Variants in HMBOX1 observed in about 807,000 individuals in gnomAD.
HMBOX1 encodes the protein homeobox containing 1.
A neutral mutation model predicts 54.5 loss-of-function variants in HMBOX1; 14 were observed. The observed-to-expected ratio is 0.26, with a 90% CI of 0.17 to 0.40. HMBOX1 has a LOEUF of 0.40. Among genes scored for constraint, HMBOX1 ranks in the 10% least tolerant of loss-of-function variants. The pLI is 1.00. For missense variants in HMBOX1, 332 were observed against 514.4 expected (o/e 0.65, Z 3.43); for synonymous variants, 160 against 181.0 (o/e 0.88, Z 0.93).
chr8:28,921,497 TAAGTAA>T, intron 1 of HMBOX1, among the ~76,000 whole-genome samples: 1 of 152,204 alleles, frequency 6.6e-6, no homozygotes, highest in East Asian at 1.9e-4. Flanking sequence ...TCTCTACATG[TAAGTAA>T]AATAGGCAAG....
At position 28,942,868 on chromosome 8, in the gene HMBOX1, C is replaced by T. The variant is rs538403037; in HGVS notation, c.-57-20943C>T. Among the ~76,000 whole-genome samples, 58 of 152,262 alleles carry T rather than the reference C, an allele frequency of 3.8e-4. No individual in the cohort carries two copies. In the South Asian group the frequency reaches 0.01, roughly 27 times the overall value. ...TTATGAGTGTATCTGTAGCATAAATCTCTACTACTGGAATTGCTAGGTTAA... is the reference window on the plus strand; with the variant it reads ...TTATGAGTGTATCTGTAGCATAAATTTCTACTACTGGAATTGCTAGGTTAA... On this transcript the variant is annotated intron_variant, in intron 1 of 9. Transcript: ENST00000287701.
At chr8:28,966,474 AAATT>A (rs1200341099) in intron 2 of HMBOX1, among the ~76,000 whole-genome samples, 1 of 152,220 alleles carries the variant, frequency 6.6e-6, no homozygotes, top group Non-Finnish European at 1.5e-5. Flanking sequence ...GTGCATAAGA[AAATT>A]AATTCAATTC....
chr8:29,006,748 C>T (rs780833704), intron 4 of HMBOX1, among the ~76,000 whole-genome samples: 3 of 152,052 alleles, frequency 2.0e-5, no homozygotes, highest in Non-Finnish European at 2.9e-5. Context: ...ATACCAAAGC[C>T]AGAACCTGGA....
At chr8:29,028,474 T>G (rs1802413574) in intron 6 of HMBOX1, among the ~76,000 whole-genome samples, 1 of 152,230 alleles carries the variant, frequency 6.6e-6, no homozygotes, top group South Asian at 2.1e-4. Flanking sequence ...TCACTGCATT[T>G]TGGAATTCTT....
At chr8:28,930,654 G>C (rs1819330053) in intron 1 of HMBOX1, among the ~76,000 whole-genome samples, 1 of 152,040 alleles carries the variant, frequency 6.6e-6, no homozygotes, top group Admixed American at 6.5e-5. Context: ...CATACTTTGT[G>C]TTTTTTTCTT....
At chr8:28,890,706 T>C (rs1489991238) in intron 1 of HMBOX1, 28 bp downstream of exon 1, 1 of 152,742 alleles carries the variant, frequency 6.5e-6, no homozygotes, top group African/African-American at 2.4e-5. Context: ...GAAGCCGGAC[T>C]ACCTCAAGTC....
At chr8:28,988,567 T>G (rs183028712) in intron 4 of HMBOX1, among the ~76,000 whole-genome samples, 27 of 152,398 alleles carry the variant, frequency 1.8e-4, no homozygotes, top group East Asian at 1.7e-3. Flanking sequence ...GAGGTCTTAC[T>G]GCTCTGCATT....
chr8:28,930,817 C>T (rs1229660090), intron 1 of HMBOX1, among the ~76,000 whole-genome samples: 2 of 151,962 alleles, frequency 1.3e-5, no homozygotes, highest in Non-Finnish European at 2.9e-5. Flanking sequence ...TTTTTTATAC[C>T]ATGTGTTATT....
intron 6 of HMBOX1, among the ~76,000 whole-genome samples, chr8:29,027,218 A>T (rs1021649761): frequency 3.9e-5 from 6 of 152,218 alleles, no homozygotes; most frequent in Non-Finnish European, 8.8e-5. Context: ...AAATAATGTG[A>T]TTCTACAATG....
intron 6 of HMBOX1, among the ~76,000 whole-genome samples, chr8:29,021,170 A>T (rs1347402761): frequency 1.3e-5 from 2 of 152,310 alleles, no homozygotes; most frequent in South Asian, 4.1e-4. Flanking sequence ...GTAAGATCCT[A>T]TCTCAAAAAT....
chr8:28,947,574 G>C (rs563733852), intron 1 of HMBOX1, among the ~76,000 whole-genome samples: 52 of 152,138 alleles, frequency 3.4e-4, no homozygotes, highest in Non-Finnish European at 5.9e-4. Context: ...TGGATGCTGG[G>C]ACTGTCTAAA....
chr8:28,979,653 C>T (rs759895801), intron 3 of HMBOX1, among the ~76,000 whole-genome samples: 3 of 152,118 alleles, frequency 2.0e-5, no homozygotes, highest in Non-Finnish European at 4.4e-5. Context: ...AGTTAACATG[C>T]GAGCCCACAA....
chr8:28,931,279 C>A (rs1819428048), intron 1 of HMBOX1, among the ~76,000 whole-genome samples: 1 of 152,124 alleles, frequency 6.6e-6, no homozygotes, highest in Admixed American at 6.5e-5. Context: ...TTCAGTTCTT[C>A]TGTGAAGACA....
At position 28,936,797 on chromosome 8, in the gene HMBOX1, G is replaced by A. The variant is rs577095006; in HGVS notation, c.-57-27014G>A. Among the ~76,000 whole-genome samples, 156 of 135,488 alleles carry A rather than the reference G, an allele frequency of 1.2e-3. 1 individual carries two copies. Among genetic ancestry groups the A allele is most frequent in the African/African-American group, 4.3e-3 (149 of 34,766 alleles). The allele number at this position is 135,488 out of a possible 152,430, so 88.9% of individuals were successfully genotyped here. ...CCATCAAGGGCCACTGAACCAGAGGGTTAAAAAAAAAAAAAAAACAGCCCC... is the reference window on the plus strand; with the variant it reads ...CCATCAAGGGCCACTGAACCAGAGGATTAAAAAAAAAAAAAAAACAGCCCC... On this transcript the variant is annotated intron_variant, in intron 1 of 9. Transcript: ENST00000287701.
At chr8:29,045,571 G>A (rs926927371) in intron 7 of HMBOX1, 128 bp downstream of exon 7, 11 of 716,318 alleles carry the variant, frequency 1.5e-5, no homozygotes, top group East Asian at 7.7e-5. Context: ...CCATCCTTCC[G>A]CAGGTGGCCA....
chr8:28,929,035 A>G (rs1051551259), intron 1 of HMBOX1, among the ~76,000 whole-genome samples: 21 of 152,214 alleles, frequency 1.4e-4, no homozygotes, highest in Non-Finnish European at 8.8e-5. Flanking sequence ...TTGGTGATGG[A>G]TATGTTAATT....
intron 1 of HMBOX1, among the ~76,000 whole-genome samples, chr8:28,910,576 G>A (rs564006661): frequency 3.9e-4 from 60 of 152,158 alleles, no homozygotes; most frequent in African/African-American, 1.4e-3. Context: ...TTTTATTATA[G>A]CCATTCTAGT....
chr8:28,908,874 G>C (rs1165597686), intron 1 of HMBOX1, among the ~76,000 whole-genome samples: 4 of 152,148 alleles, frequency 2.6e-5, no homozygotes, highest in African/African-American at 9.7e-5. Flanking sequence ...CAGGAGGATT[G>C]CTTGAAGCCA....
chr8:28,944,521 A>G (rs1168038223), intron 1 of HMBOX1, among the ~76,000 whole-genome samples: 1 of 152,226 alleles, frequency 6.6e-6, no homozygotes, highest in African/African-American at 2.4e-5. Flanking sequence ...TCTGTGAGGT[A>G]CTGGAAGAGG....
Sources: allele counts gnomAD v4.1 joint callset (sites outside exome capture counted in the v4.1 genomes callset), GRCh38; gene constraint gnomAD v4.1.1; transcripts MANE v1.5; gene names NCBI Gene and HGNC (gene_info 2026-07-23, HGNC 2026-07-21).